BMPR1A: variants seen among roughly 807,000 people sequenced by gnomAD.
The protein encoded by BMPR1A is bone morphogenetic protein receptor type 1A.
Under a neutral mutation model 66.0 loss-of-function variants are expected in BMPR1A, and 7 were observed. That is an observed-to-expected ratio of 0.11 (90% confidence interval 0.06 to 0.20). The LOEUF is 0.20. Ranked by LOEUF, BMPR1A falls within the 10% of genes least tolerant of loss-of-function variation. The pLI is 1.00. For synonymous variants in BMPR1A, 200 were observed against 229.7 expected, an observed-to-expected ratio of 0.87 and a Z score of 1.17; for missense variants, 408 against 669.1, an observed-to-expected ratio of 0.61 and a Z score of 4.31.
intron 11 of BMPR1A, among the ~76,000 whole-genome samples, chr10:86,923,095 G>T (rs1843690901): frequency 6.6e-6 from 1 of 152,202 alleles, no homozygotes; most frequent in South Asian, 2.1e-4. Context: ...AGGGTAAATG[G>T]CTGATTTCGC....
chr10:86,847,007 T>C (rs1355679412), intron 2 of BMPR1A, among the ~76,000 whole-genome samples: 1 of 152,108 alleles, frequency 6.6e-6, no homozygotes, highest in Non-Finnish European at 1.5e-5. Flanking sequence ...GGAGTCTCGC[T>C]CTGCTCTCTG....
At chr10:86,761,658 T>G (rs1403252854) in intron 1 of BMPR1A, among the ~76,000 whole-genome samples, 3 of 152,194 alleles carry the variant, frequency 2.0e-5, no homozygotes, top group African/African-American at 7.2e-5. Flanking sequence ...AAGGTCTGAT[T>G]GCAAAAATTC....
At chr10:86,862,976 GC>G (rs1184103374) in intron 2 of BMPR1A, among the ~76,000 whole-genome samples, 3 of 133,480 alleles carry the variant, frequency 2.2e-5, no homozygotes, top group Non-Finnish European at 3.0e-5. Context: ...TATTTGAGCT[GC>G]CTTTTTTTTT....
chr10:86,808,563 T>G (rs954333853), intron 1 of BMPR1A, among the ~76,000 whole-genome samples: 33 of 152,240 alleles, frequency 2.2e-4, no homozygotes, highest in African/African-American at 8.0e-4. Context: ...GGCCTGAGTT[T>G]GAATCCTAGT....
chr10:86,837,006 C>T (rs534573922), intron 1 of BMPR1A, among the ~76,000 whole-genome samples: 74 of 152,292 alleles, frequency 4.9e-4, no homozygotes, highest in Non-Finnish European at 9.7e-4. Flanking sequence ...CAGGGAAGAA[C>T]AGATCATCTG....
intron 3 of BMPR1A, among the ~76,000 whole-genome samples, chr10:86,887,869 C>T (rs960697130): frequency 4.6e-5 from 7 of 152,120 alleles, no homozygotes; most frequent in Non-Finnish European, 8.8e-5. Context: ...CATGGCTTGC[C>T]CAAGACCATC....
intron 1 of BMPR1A, among the ~76,000 whole-genome samples, chr10:86,772,801 C>T (rs1841285425): frequency 6.6e-6 from 1 of 152,062 alleles, no homozygotes; most frequent in African/African-American, 2.4e-5. Flanking sequence ...CTTTTCAAAA[C>T]AAGTCTTTTT....
At chr10:86,901,825 T>G (rs1398693092) in intron 7 of BMPR1A, among the ~76,000 whole-genome samples, 3 of 152,084 alleles carry the variant, frequency 2.0e-5, no homozygotes, top group African/African-American at 7.2e-5. Flanking sequence ...ATACATTGGT[T>G]TCTTTATTAC....
At chr10:86,842,820 G>A (rs1407476042) in intron 2 of BMPR1A, among the ~76,000 whole-genome samples, 1 of 152,106 alleles carries the variant, frequency 6.6e-6, no homozygotes, top group Non-Finnish European at 1.5e-5. Flanking sequence ...CAAGTGAAAG[G>A]GGAAACCTCT....
intron 7 of BMPR1A, among the ~76,000 whole-genome samples, chr10:86,900,392 G>A (rs999138567): frequency 6.7e-5 from 10 of 150,102 alleles, no homozygotes; most frequent in Non-Finnish European, 1.3e-4. Context: ...GAATGTTTTC[G>A]ATCTGTCCCA....
intron 3 of BMPR1A, among the ~76,000 whole-genome samples, chr10:86,877,263 A>G (rs1026625550): frequency 1.3e-5 from 2 of 149,354 alleles, no homozygotes; most frequent in African/African-American, 2.5e-5. Flanking sequence ...GCTGGAGTAC[A>G]GTGGCGCCAT....
In BMPR1A at chr10:86,905,785, A is replaced by AT. The variant is rs1292630971; in HGVS notation, c.530+5666dup. On this transcript the variant is annotated intron_variant, in intron 7 of 12. Transcript: ENST00000372037. ...GTAGTTAAATAGTAAGAATTGAATG[A>AT]TTTTTTTAAGTTGCAGTGATTACAG... Among the ~76,000 whole-genome samples, 7 of 151,052 alleles carry AT rather than the reference A, an allele frequency of 4.6e-5. No individual in the cohort carries two copies. In the East Asian group the frequency reaches 7.8e-4, roughly 17 times the overall value.
chr10:86,816,637 A>G (rs528857963), intron 1 of BMPR1A, among the ~76,000 whole-genome samples: 1 of 152,256 alleles, frequency 6.6e-6, no homozygotes, highest in Admixed American at 6.5e-5. Context: ...CAGAGCACTG[A>G]CAATTGGAGT....
chr10:86,834,194 A>G (rs1378106729), intron 1 of BMPR1A, among the ~76,000 whole-genome samples: 1 of 152,196 alleles, frequency 6.6e-6, no homozygotes, highest in African/African-American at 2.4e-5. Context: ...GGGAATGGAA[A>G]TTGTCACAGT....
rs549301662 is a variant in BMPR1A, at chr10:86,824,719, T to C, written c.-267-14146T>C. On this transcript the variant is annotated intron_variant, in intron 1 of 12. Coordinates refer to ENST00000372037, the MANE Select transcript of BMPR1A (RefSeq NM_004329.3). ...TGCACACATATTGGGTGGGTGACAG[T>C]TGGGTTTTTTATGAAGATAATTTTA... Among the ~76,000 whole-genome samples, 22 of 152,326 alleles carry C rather than the reference T, an allele frequency of 1.4e-4. No homozygotes were observed. The East Asian group carries it at 4.2e-3, about 29-fold the overall frequency.
intron 2 of BMPR1A, among the ~76,000 whole-genome samples, chr10:86,859,669 G>A (rs569695396): frequency 2.6e-5 from 4 of 152,024 alleles, no homozygotes; most frequent in African/African-American, 9.7e-5. Context: ...AATTAACCAG[G>A]CTTGCTGGCA....
At chr10:86,919,686 T>A (rs945977129) in intron 10 of BMPR1A, among the ~76,000 whole-genome samples, 2 of 150,186 alleles carry the variant, frequency 1.3e-5, no homozygotes, top group Admixed American at 1.3e-4. Flanking sequence ...TTGGTGTTTT[T>A]TTTTGTTTGT....
At chr10:86,790,540 C>A (rs1242817084) in intron 1 of BMPR1A, among the ~76,000 whole-genome samples, 2 of 151,938 alleles carry the variant, frequency 1.3e-5, no homozygotes, top group African/African-American at 2.4e-5. Context: ...GAGGAAACAA[C>A]CCAAATGTCC....
chr10:86,904,578 C>A (rs1843358106), intron 7 of BMPR1A, among the ~76,000 whole-genome samples: 1 of 152,186 alleles, frequency 6.6e-6, no homozygotes, highest in Admixed American at 6.5e-5. Flanking sequence ...CCCCTTAGAC[C>A]TACCCAACAA....
Sources: allele counts gnomAD v4.1 joint callset (sites outside exome capture counted in the v4.1 genomes callset), GRCh38; gene constraint gnomAD v4.1.1; transcripts MANE v1.5; gene names NCBI Gene and HGNC (gene_info 2026-07-23, HGNC 2026-07-21).